RTL4: variants seen among roughly 807,000 people sequenced by gnomAD.
RTL4 encodes the protein retrotransposon Gag-like protein 4.
Under a neutral mutation model 5.3 loss-of-function variants are expected in RTL4, and 4 were observed. The ratio of observed to expected loss-of-function variants is 0.75; its 90% CI spans 0.37 to 1.72. RTL4 has a LOEUF of 1.72. Ranked by LOEUF, RTL4 falls within the 40% of genes most tolerant of loss-of-function variation. The pLI is 0.04. For synonymous variants in RTL4, 98 were observed against 87.3 expected, an observed-to-expected ratio of 1.12 and a Z score of -0.68; for missense variants, 260 against 227.1, an observed-to-expected ratio of 1.14 and a Z score of -0.93.
At chrX:112,204,060 A>T in the RTL4 span, among the ~76,000 whole-genome samples, 1 of 112,806 alleles carries the variant, frequency 8.9e-6, no homozygotes, top group Non-Finnish European at 1.9e-5. Context: ...AAATGCCAAA[A>T]GGCATAAGAA....
the RTL4 span, among the ~76,000 whole-genome samples, chrX:112,235,963 G>A: frequency 0.24 from 26,913 of 110,765 alleles, 3,096 homozygotes; most frequent in African/African-American, 0.46. Context: ...AAGTACTCAT[G>A]TGGACTCATG....
chrX:112,381,094 C>G, the RTL4 span, among the ~76,000 whole-genome samples: 1 of 111,350 alleles, frequency 9.0e-6, no homozygotes, highest in Non-Finnish European at 1.9e-5. Flanking sequence ...CTGGGCAGCA[C>G]CGAGACCCTT....
the RTL4 span, among the ~76,000 whole-genome samples, chrX:112,401,605 G>A: frequency 1.1e-5 from 1 of 92,629 alleles, no homozygotes; most frequent in Non-Finnish European, 2.1e-5. Flanking sequence ...ACCCTCTTTA[G>A]AAAAATTCTA....
chrX:112,456,300 C>T (rs1173306425), exon 1 of RTL4: 1 of 306,952 alleles, frequency 3.3e-6, no homozygotes, highest in Non-Finnish European at 5.9e-6. Flanking sequence ...TCATGCTTTC[C>T]CAACAAACAG....
At chrX:112,187,468 A>G in the RTL4 span, among the ~76,000 whole-genome samples, 24,995 of 110,744 alleles carry the variant, frequency 0.23, 2,168 homozygotes, top group African/African-American at 0.29. Context: ...GCACCGTGGT[A>G]CAGAACCCAA....
the RTL4 span, among the ~76,000 whole-genome samples, chrX:112,341,530 T>C: frequency 7.2e-5 from 8 of 111,888 alleles, no homozygotes; most frequent in African/African-American, 2.6e-4. Context: ...ATGTTGGTTT[T>C]ATTAAATTGA....
At chrX:112,260,043 G>A in the RTL4 span, among the ~76,000 whole-genome samples, 1 of 111,629 alleles carries the variant, frequency 9.0e-6, no homozygotes, top group East Asian at 2.8e-4. Context: ...TCCTGACGAG[G>A]CCAATCCTTG....
the RTL4 span, among the ~76,000 whole-genome samples, chrX:112,378,055 G>T: frequency 9.0e-6 from 1 of 111,211 alleles, no homozygotes; most frequent in Non-Finnish European, 1.9e-5. Flanking sequence ...ATGCAGATGC[G>T]GTACATCTGG....
the RTL4 span, among the ~76,000 whole-genome samples, chrX:112,423,359 T>C: frequency 9.0e-6 from 1 of 110,771 alleles, no homozygotes; most frequent in Non-Finnish European, 1.9e-5. Context: ...ATAGATTCTA[T>C]TGGTCAATAG....
the RTL4 span, among the ~76,000 whole-genome samples, chrX:112,233,831 C>A: frequency 9.0e-6 from 1 of 111,686 alleles, no homozygotes; most frequent in South Asian, 3.8e-4. Context: ...AGACATACAA[C>A]AAGTACCAAT....
the RTL4 span, among the ~76,000 whole-genome samples, chrX:112,178,549 CA>C: frequency 3.6e-5 from 4 of 111,837 alleles, no homozygotes; most frequent in Middle Eastern, 4.6e-3. Flanking sequence ...AATATCTTTA[CA>C]ACTTTTCAGT....
At chrX:112,209,084 GAGTGGTGTCCATAGAATAAGTC>G in the RTL4 span, among the ~76,000 whole-genome samples, 49 of 112,179 alleles carry the variant, frequency 4.4e-4, 1 homozygote, top group Non-Finnish European at 9.4e-5. Flanking sequence ...GGGAAAGACT[GAGTGGTGTCCATAGAATAAGTC>G]ATCCTATCCA....
chrX:112,141,678 G>A, the RTL4 span, among the ~76,000 whole-genome samples: 1 of 110,947 alleles, frequency 9.0e-6, no homozygotes, highest in South Asian at 3.9e-4. Context: ...ATGTGGTCTA[G>A]AGATATCTCG....
At chrX:112,268,272 T>C in the RTL4 span, among the ~76,000 whole-genome samples, 226 of 112,299 alleles carry the variant, frequency 2.0e-3, no homozygotes, top group African/African-American at 6.9e-3. Context: ...TTCTCTCTTG[T>C]TACATTTGCC....
chrX:112,133,330 TAATAATGATAA>T, the RTL4 span, among the ~76,000 whole-genome samples: 2 of 112,175 alleles, frequency 1.8e-5, no homozygotes, highest in African/African-American at 6.5e-5. Context: ...ATACCAAGAA[TAATAATGATAA>T]AATAATGATA....
the RTL4 span, among the ~76,000 whole-genome samples, chrX:112,126,922 C>T: frequency 9.0e-6 from 1 of 111,418 alleles, no homozygotes; most frequent in Non-Finnish European, 1.9e-5. Flanking sequence ...AAGACTGAAG[C>T]AGTAATCAAA....
the RTL4 span, among the ~76,000 whole-genome samples, chrX:112,184,624 T>G: frequency 3.6e-5 from 4 of 112,316 alleles, no homozygotes; most frequent in African/African-American, 1.3e-4. Flanking sequence ...TCATGTGGTT[T>G]CCTTGAATCA....
chrX:112,346,497 C>T, the RTL4 span, among the ~76,000 whole-genome samples: 1 of 111,581 alleles, frequency 9.0e-6, no homozygotes, highest in African/African-American at 3.3e-5. Flanking sequence ...TTGTGATACC[C>T]CCTTTTTAAT....
chrX:112,132,771 A>G, the RTL4 span, among the ~76,000 whole-genome samples: 3 of 112,378 alleles, frequency 2.7e-5, no homozygotes, highest in Non-Finnish European at 5.6e-5. Context: ...GAAAAGTTTT[A>G]TGTAAGAAGG....
Sources: gnomAD v4.1 joint callset for allele counts (sites outside exome capture counted in the v4.1 genomes callset) on GRCh38, gnomAD v4.1.1 for gene constraint, MANE v1.5 for transcripts, NCBI Gene and HGNC (gene_info 2026-07-23, HGNC 2026-07-21) for gene names.